Variants in RIT2 observed in about 807,000 individuals in gnomAD.
RIT2 encodes the protein Ras like without CAAX 2, also known as GTP-binding protein Rit2.
A neutral mutation model predicts 23.7 loss-of-function variants in RIT2; 24 were observed. That is an observed-to-expected ratio of 1.01 (90% confidence interval 0.73 to 1.43). RIT2 has a LOEUF of 1.43. Among genes scored for constraint, RIT2 ranks in the 40% most tolerant of loss-of-function variants. The pLI is 0.00. For synonymous variants in RIT2, 107 were observed against 91.1 expected (o/e 1.17, Z -0.99); for missense variants, 236 against 266.9 (o/e 0.88, Z 0.81).
intron 3 of RIT2, among the ~76,000 whole-genome samples, chr18:42,967,469 A>G (rs149554221): frequency 1.7e-4 from 25 of 150,066 alleles, no homozygotes; most frequent in African/African-American, 6.2e-4. Flanking sequence ...TCCCGGGTTC[A>G]TGCCATTCTC....
chr18:43,026,630 AAGAAAGAG>A (rs1405418825), intron 2 of RIT2, among the ~76,000 whole-genome samples: 149 of 94,572 alleles, frequency 1.6e-3, no homozygotes, highest in African/African-American at 4.4e-3. Context: ...GAAAGAAAGA[AAGAAAGAG>A]AGAAAGAAGG....
chr18:42,994,864 T>G (rs1190990039), intron 2 of RIT2, among the ~76,000 whole-genome samples: 1 of 152,166 alleles, frequency 6.6e-6, no homozygotes, highest in Non-Finnish European at 1.5e-5. Context: ...ATATACTTTC[T>G]GCTCCCTGGC....
At chr18:42,819,407 C>T (rs1220200614) in intron 4 of RIT2, among the ~76,000 whole-genome samples, 1 of 151,910 alleles carries the variant, frequency 6.6e-6, no homozygotes, top group Admixed American at 6.6e-5. Flanking sequence ...CTGTTCATTT[C>T]CAAAGAATAT....
At chr18:43,043,118 T>C (rs1386640204) in intron 1 of RIT2, among the ~76,000 whole-genome samples, 1 of 152,154 alleles carries the variant, frequency 6.6e-6, no homozygotes, top group Non-Finnish European at 1.5e-5. Context: ...AATTATATCT[T>C]TTAAAACAAT....
chr18:42,821,814 AG>A (rs1012729493), intron 4 of RIT2, among the ~76,000 whole-genome samples: 1 of 152,186 alleles, frequency 6.6e-6, no homozygotes, highest in Non-Finnish European at 1.5e-5. Flanking sequence ...GTGATACAAA[AG>A]CATATAAAAA....
intron 4 of RIT2, among the ~76,000 whole-genome samples, chr18:42,863,668 G>T (rs778635886): frequency 3.3e-5 from 5 of 152,038 alleles, no homozygotes; most frequent in Non-Finnish European, 7.4e-5. Flanking sequence ...TTCTTTCTCT[G>T]AATTAACTCC....
At chr18:43,096,423 T>C (rs1402345021) in intron 1 of RIT2, among the ~76,000 whole-genome samples, 1 of 151,842 alleles carries the variant, frequency 6.6e-6, no homozygotes, top group Non-Finnish European at 1.5e-5. Context: ...GTACACCATG[T>C]GTATAATATC....
chr18:42,857,370 A>G (rs1370626284), intron 4 of RIT2, among the ~76,000 whole-genome samples: 1 of 152,184 alleles, frequency 6.6e-6, no homozygotes, highest in African/African-American at 2.4e-5. Context: ...GCTCATTTTT[A>G]TATCAAATCA....
intron 3 of RIT2, among the ~76,000 whole-genome samples, chr18:42,929,329 C>T (rs1909270296): frequency 1.3e-5 from 2 of 151,948 alleles, no homozygotes; most frequent in Non-Finnish European, 2.9e-5. Flanking sequence ...ATCAGGTTCT[C>T]TAAGACTAAC....
At chr18:42,954,846 C>A (rs528368171) in intron 3 of RIT2, among the ~76,000 whole-genome samples, 18 of 152,198 alleles carry the variant, frequency 1.2e-4, no homozygotes, top group Admixed American at 9.2e-4. Flanking sequence ...TTTACATTTA[C>A]CACCTCTCTT....
At chr18:42,887,900 C>T (rs879303745) in intron 4 of RIT2, among the ~76,000 whole-genome samples, 7 of 151,838 alleles carry the variant, frequency 4.6e-5, no homozygotes, top group Non-Finnish European at 1.0e-4. Flanking sequence ...GGGAAAGGAG[C>T]CATTCTGAAA....
At chr18:43,099,011 G>A (rs1448373673) in intron 1 of RIT2, among the ~76,000 whole-genome samples, 1 of 151,996 alleles carries the variant, frequency 6.6e-6, no homozygotes, top group Non-Finnish European at 1.5e-5. Flanking sequence ...ATGATTTTAA[G>A]GAAAGGGGAG....
intron 2 of RIT2, among the ~76,000 whole-genome samples, chr18:42,983,942 T>C (rs1157442517): frequency 1.3e-5 from 2 of 152,068 alleles, no homozygotes; most frequent in East Asian, 3.9e-4. Context: ...ACTCTGAAGA[T>C]TGTTTCCTAC....
intron 4 of RIT2, among the ~76,000 whole-genome samples, chr18:42,776,088 T>C (rs1332488787): frequency 5.9e-5 from 9 of 152,168 alleles, no homozygotes; most frequent in Non-Finnish European, 1.2e-4. Flanking sequence ...CTCAAGAGTA[T>C]AACAGTGTAG....
intron 4 of RIT2, among the ~76,000 whole-genome samples, chr18:42,898,029 G>A (rs1908377551): frequency 6.6e-6 from 1 of 152,158 alleles, no homozygotes; most frequent in African/African-American, 2.4e-5. Context: ...ATTTCCTATT[G>A]AGACTCCAGA....
At chr18:42,927,983 A>T (rs187894017) in intron 3 of RIT2, among the ~76,000 whole-genome samples, 21 of 152,128 alleles carry the variant, frequency 1.4e-4, no homozygotes, top group Non-Finnish European at 2.1e-4. Flanking sequence ...TAGCAGTACT[A>T]CAAAGATATG....
intron 1 of RIT2, among the ~76,000 whole-genome samples, chr18:43,080,227 C>T (rs894868119): frequency 1.3e-5 from 2 of 152,202 alleles, no homozygotes; most frequent in East Asian, 3.9e-4. Flanking sequence ...TTCCTCACAT[C>T]AGCTCATCAA....
chr18:42,821,563 T>C (rs1906150517), intron 4 of RIT2, among the ~76,000 whole-genome samples: 1 of 152,050 alleles, frequency 6.6e-6, no homozygotes, highest in Admixed American at 6.6e-5. Context: ...GCACCGGAGA[T>C]GCTACTAACA....
intron 4 of RIT2, among the ~76,000 whole-genome samples, chr18:42,824,976 G>T (rs1486580001): frequency 1.3e-5 from 2 of 151,764 alleles, no homozygotes; most frequent in African/African-American, 4.8e-5. Context: ...TATTAGATTG[G>T]ACCATTCCCA....
Sources: gnomAD v4.1 joint callset for allele counts (sites outside exome capture counted in the v4.1 genomes callset) on GRCh38, gnomAD v4.1.1 for gene constraint, MANE v1.5 for transcripts, NCBI Gene and HGNC (gene_info 2026-07-23, HGNC 2026-07-21) for gene names.